Variants in KCND2 observed in about 807,000 individuals in gnomAD.
The protein encoded by KCND2 is A-type voltage-gated potassium channel KCND2.
In KCND2, 16 loss-of-function variants were observed where a neutral mutation model predicts 54.4. The observed-to-expected ratio is 0.29, with a 90% CI of 0.20 to 0.45. The LOEUF (loss-of-function observed/expected upper bound fraction) is 0.45, where lower values mean the gene tolerates loss of function less well. Among genes scored for constraint, KCND2 ranks in the 20% least tolerant of loss-of-function variants. The pLI is 1.00. For missense variants in KCND2, 486 were observed against 824.2 expected (o/e 0.59, Z 5.02); for synonymous variants, 317 against 310.7 (o/e 1.02, Z -0.21).
chr7:120,334,422 A>G (rs1333427803), intron 1 of KCND2, among the ~76,000 whole-genome samples: 1 of 152,170 alleles, frequency 6.6e-6, no homozygotes, highest in Admixed American at 6.6e-5. Context: ...TTTTCTAATA[A>G]TTCTCATTTA....
chr7:120,494,870 T>C (rs1416758507), intron 1 of KCND2, among the ~76,000 whole-genome samples: 1 of 152,178 alleles, frequency 6.6e-6, no homozygotes, highest in Non-Finnish European at 1.5e-5. Flanking sequence ...AAATAGGACC[T>C]AATGGAATCA....
intron 1 of KCND2, among the ~76,000 whole-genome samples, chr7:120,550,636 A>G (rs1792094784): frequency 6.6e-6 from 1 of 152,192 alleles, no homozygotes; most frequent in African/African-American, 2.4e-5. Context: ...CAGAAGGCTC[A>G]GGCTGTTTGT....
intron 1 of KCND2, among the ~76,000 whole-genome samples, chr7:120,725,776 A>G (rs1792726408): frequency 6.6e-6 from 1 of 152,322 alleles, no homozygotes; most frequent in South Asian, 2.1e-4. Context: ...TCAAATGAGA[A>G]GTTTTAAACA....
At chr7:120,603,900 T>C (rs1267551537) in intron 1 of KCND2, among the ~76,000 whole-genome samples, 2 of 152,176 alleles carry the variant, frequency 1.3e-5, no homozygotes, top group African/African-American at 2.4e-5. Flanking sequence ...CTGACTACTT[T>C]TTTTAAATAG....
chr7:120,655,590 T>C (rs997960626), intron 1 of KCND2, among the ~76,000 whole-genome samples: 2 of 152,090 alleles, frequency 1.3e-5, no homozygotes, highest in African/African-American at 4.8e-5. Flanking sequence ...TTAAAGAGCA[T>C]TGAGTTTTCC....
chr7:120,735,885 A>C (rs923064491), intron 2 of KCND2, among the ~76,000 whole-genome samples: 1 of 152,094 alleles, frequency 6.6e-6, no homozygotes, highest in Non-Finnish European at 1.5e-5. Context: ...GATATGAACT[A>C]AATAAGTTAC....
intron 1 of KCND2, among the ~76,000 whole-genome samples, chr7:120,278,144 G>GA (rs1799206404): frequency 1.3e-5 from 2 of 151,898 alleles, no homozygotes; most frequent in African/African-American, 4.8e-5. Context: ...GAATTTCATA[G>GA]AAAAATGTCT....
At chr7:120,728,282 CTT>C (rs758218585) in intron 1 of KCND2, among the ~76,000 whole-genome samples, 7 of 138,848 alleles carry the variant, frequency 5.0e-5, no homozygotes, top group East Asian at 4.2e-4. Flanking sequence ...CGTTCTTCTT[CTT>C]TTTTTTTTTT....
At chr7:120,365,142 T>C (rs1056609769) in intron 1 of KCND2, among the ~76,000 whole-genome samples, 4 of 140,540 alleles carry the variant, frequency 2.8e-5, no homozygotes, top group African/African-American at 1.1e-4. Context: ...GAGATGAAAT[T>C]AAGGAAGGGA....
chr7:120,355,734 A>C (rs760212717), intron 1 of KCND2, among the ~76,000 whole-genome samples: 12 of 152,188 alleles, frequency 7.9e-5, no homozygotes, highest in Non-Finnish European at 1.6e-4. Context: ...TTGCATCATC[A>C]TAAAGCAGAA....
At chr7:120,679,138 T>C (rs1792108767) in intron 1 of KCND2, among the ~76,000 whole-genome samples, 1 of 151,866 alleles carries the variant, frequency 6.6e-6, no homozygotes, top group Non-Finnish European at 1.5e-5. Context: ...ATCACCCTAC[T>C]TGTCCCATAA....
chr7:120,676,439 A>T (rs879709303), intron 1 of KCND2, among the ~76,000 whole-genome samples: 9 of 152,118 alleles, frequency 5.9e-5, no homozygotes, highest in Non-Finnish European at 1.2e-4. Flanking sequence ...ATTGCACCAA[A>T]TTCAGTTCCT....
intron 1 of KCND2, among the ~76,000 whole-genome samples, chr7:120,706,764 ACTTT>A: frequency 6.6e-6 from 1 of 152,306 alleles, no homozygotes. Context: ...GCCAGAAAAT[ACTTT>A]CTGTGAATTA....
chr7:120,688,148 A>T (rs546166704), intron 1 of KCND2, among the ~76,000 whole-genome samples: 45 of 152,314 alleles, frequency 3.0e-4, no homozygotes, highest in African/African-American at 1.1e-3. Context: ...TATTTAATGT[A>T]AAAAATTGCA....
At chr7:120,591,177 A>C (rs1177126473) in intron 1 of KCND2, among the ~76,000 whole-genome samples, 1 of 152,190 alleles carries the variant, frequency 6.6e-6, no homozygotes, top group Admixed American at 6.5e-5. Flanking sequence ...AACCTACATA[A>C]TTTGAATTAG....
chr7:120,372,072 G>T (rs1800773122), intron 1 of KCND2, among the ~76,000 whole-genome samples: 1 of 151,920 alleles, frequency 6.6e-6, no homozygotes, highest in South Asian at 2.1e-4. Context: ...TGGACATACT[G>T]ATTTTATTCT....
chr7:120,285,364 A>G (rs1036110991), intron 1 of KCND2, among the ~76,000 whole-genome samples: 18 of 152,166 alleles, frequency 1.2e-4, no homozygotes, highest in African/African-American at 3.8e-4. Flanking sequence ...GTTGATAGTC[A>G]ATTGGTTTTC....
At chr7:120,391,007 C>T (rs1173164871) in intron 1 of KCND2, among the ~76,000 whole-genome samples, 1 of 151,990 alleles carries the variant, frequency 6.6e-6, no homozygotes, top group East Asian at 1.9e-4. Flanking sequence ...CCTATCTACA[C>T]ATCATCTAGG....
At chr7:120,717,641 C>T (rs551222833) in intron 1 of KCND2, among the ~76,000 whole-genome samples, 2 of 152,122 alleles carry the variant, frequency 1.3e-5, no homozygotes, top group South Asian at 4.2e-4. Flanking sequence ...TCATCATAGA[C>T]AGCAACTTAC....
Sources: gnomAD v4.1 joint callset for allele counts (sites outside exome capture counted in the v4.1 genomes callset) on GRCh38, gnomAD v4.1.1 for gene constraint, MANE v1.5 for transcripts, NCBI Gene and HGNC (gene_info 2026-07-23, HGNC 2026-07-21) for gene names.